Variants in STK4 observed in about 807,000 individuals in gnomAD.
STK4 encodes serine/threonine-protein kinase 4.
STK4 carries 30 observed loss-of-function variants against 64.9 expected under a neutral mutation model. That is an observed-to-expected ratio of 0.46 (90% CI 0.35 to 0.63). STK4 has a LOEUF of 0.63. Among genes scored for constraint, STK4 ranks in the 20% least tolerant of loss-of-function variants. The pLI, the probability that STK4 is intolerant of heterozygous loss-of-function variation, is 0.01. For synonymous variants in STK4, 177 were observed against 199.0 expected (o/e 0.89, Z 0.93); for missense variants, 466 against 598.5 (o/e 0.78, Z 2.31).
At chr20:45,073,654 A>G (rs1034189665) in intron 10 of STK4, among the ~76,000 whole-genome samples, 3 of 152,188 alleles carry the variant, frequency 2.0e-5, no homozygotes, top group Non-Finnish European at 4.4e-5. Flanking sequence ...ATAAAGTATC[A>G]CCACCCACTG....
intron 10 of STK4, among the ~76,000 whole-genome samples, chr20:45,072,194 C>T (rs1052306176): frequency 6.6e-6 from 1 of 152,160 alleles, no homozygotes; most frequent in African/African-American, 2.4e-5. Context: ...ATAGGTCATA[C>T]ACTGAGAAAC....
At chr20:44,992,185 T>C (rs770944269) in intron 5 of STK4, among the ~76,000 whole-genome samples, 1 of 151,918 alleles carries the variant, frequency 6.6e-6, no homozygotes, top group South Asian at 2.1e-4. Flanking sequence ...TTTGATGTCA[T>C]GCTTAAAAAA....
At chr20:45,049,679 A>G (rs1285630459) in intron 10 of STK4, among the ~76,000 whole-genome samples, 2 of 152,224 alleles carry the variant, frequency 1.3e-5, no homozygotes, top group Non-Finnish European at 2.9e-5. Context: ...CTGTGAATTC[A>G]GCACTTCATA....
chr20:44,996,887 A>G (rs899528389), intron 6 of STK4, among the ~76,000 whole-genome samples: 1 of 151,882 alleles, frequency 6.6e-6, no homozygotes, highest in Non-Finnish European at 1.5e-5. Flanking sequence ...TTGAAAGGCA[A>G]TGTACTGTGG....
At chr20:45,026,318 A>AGTGTGTGTGTGTGTGTGT (rs113148879) in intron 10 of STK4, among the ~76,000 whole-genome samples, 12 of 145,786 alleles carry the variant, frequency 8.2e-5, no homozygotes, top group African/African-American at 2.3e-4. Context: ...AGACAGAAAG[A>AGTGTGTGTGTGTGTGTGT]GTGTGTGTGT....
intron 9 of STK4, among the ~76,000 whole-genome samples, chr20:45,013,230 A>G (rs1188638088): frequency 6.6e-6 from 1 of 151,940 alleles, no homozygotes; most frequent in Admixed American, 6.6e-5. Context: ...TTTGCAGCAG[A>G]ATTTGGTCGA....
chr20:45,051,336 A>G (rs1308549084), intron 10 of STK4, among the ~76,000 whole-genome samples: 2 of 152,222 alleles, frequency 1.3e-5, no homozygotes, highest in Non-Finnish European at 2.9e-5. Flanking sequence ...ATCAAGTACA[A>G]TGCTTTTTAT....
chr20:45,020,058 G>C (rs1199231053), intron 9 of STK4, among the ~76,000 whole-genome samples: 3 of 152,204 alleles, frequency 2.0e-5, no homozygotes, highest in African/African-American at 7.2e-5. Context: ...TACAATATGA[G>C]ATGTAGATCA....
chr20:44,983,583 C>T (rs917547207), intron 4 of STK4, among the ~76,000 whole-genome samples: 4 of 152,128 alleles, frequency 2.6e-5, no homozygotes, highest in Non-Finnish European at 5.9e-5. Context: ...GATTGCGCCA[C>T]TGCACTGCAG....
At chr20:44,989,500 A>G (rs947450011) in intron 5 of STK4, among the ~76,000 whole-genome samples, 5 of 151,540 alleles carry the variant, frequency 3.3e-5, no homozygotes, top group African/African-American at 4.8e-5. Context: ...TATTTTAGAT[A>G]TAAGTCTCTT....
At chr20:45,054,245 A>C (rs1253236045) in intron 10 of STK4, among the ~76,000 whole-genome samples, 2 of 152,152 alleles carry the variant, frequency 1.3e-5, no homozygotes, top group African/African-American at 4.8e-5. Flanking sequence ...CAATAGTAGT[A>C]GATGTTGGGT....
chr20:45,042,067 A>G (rs1334199482), intron 10 of STK4, among the ~76,000 whole-genome samples: 7 of 152,244 alleles, frequency 4.6e-5, no homozygotes, highest in African/African-American at 1.7e-4. Context: ...AGAAGGTTTC[A>G]ATGGCTGAAA....
intron 10 of STK4, among the ~76,000 whole-genome samples, chr20:45,029,033 A>G (rs944599959): frequency 6.6e-6 from 1 of 152,218 alleles, no homozygotes; most frequent in African/African-American, 2.4e-5. Flanking sequence ...GGCAGCAACC[A>G]GCTCACAGAC....
intron 10 of STK4, among the ~76,000 whole-genome samples, chr20:45,074,581 T>C (rs1474324983): frequency 1.3e-5 from 2 of 151,916 alleles, no homozygotes; most frequent in Admixed American, 6.6e-5. Flanking sequence ...CATGGTGTCG[T>C]ATCCTGAAAG....
chr20:45,073,729 A>T (rs1465141412), intron 10 of STK4, among the ~76,000 whole-genome samples: 3 of 152,198 alleles, frequency 2.0e-5, no homozygotes, highest in Non-Finnish European at 4.4e-5. Flanking sequence ...GAATCACTGA[A>T]CACACATGGC....
intron 1 of STK4, 134 bp downstream of exon 1, chr20:44,966,737 G>C (rs1021587666): frequency 1.8e-5 from 19 of 1,054,802 alleles, no homozygotes; most frequent in South Asian, 9.1e-5. Context: ...CTGAGTGAGG[G>C]GGGGGACGTC....
intron 9 of STK4, among the ~76,000 whole-genome samples, chr20:45,016,350 C>G (rs1165620441): frequency 6.6e-6 from 1 of 152,116 alleles, no homozygotes; most frequent in Non-Finnish European, 1.5e-5. Flanking sequence ...TTTCCACCCC[C>G]GAAAGATAAC....
chr20:45,001,187 T>C lies in STK4; in HGVS notation c.981T>C (p.Ser327=). 6.2e-7 allele frequency: 1 copy of C among 1,612,874 alleles called. No homozygotes were observed. The highest frequency in any genetic ancestry group is 8.5e-7 in the Non-Finnish European group (1 of 1,179,008). The change falls in exon 9 of 11, where the codon TCT becomes TCC. Residue 327 remains serine (S), a synonymous_variant. Coordinates refer to ENST00000372806, the MANE Select transcript of STK4 (RefSeq NM_006282.5). ...EENSEEDEMD[S]GTMVRAVGDE... Reference sequence around the variant, plus strand: ...TACAGGAAGAGGATGAAATGGATTCTGGCACGATGGTTCGAGCAGTGGGTG... The same window carrying C: ...TACAGGAAGAGGATGAAATGGATTCCGGCACGATGGTTCGAGCAGTGGGTG...
At chr20:45,074,992 G>A in intron 10 of STK4, 26 bp from the exon 11 acceptor site, 1 of 1,613,800 alleles carries the variant, frequency 6.2e-7, no homozygotes, top group Non-Finnish European at 8.5e-7. Context: ...GCTTTGTCGT[G>A]ACTATACCTT....
Sources: gnomAD v4.1 joint callset for allele counts (sites outside exome capture counted in the v4.1 genomes callset) on GRCh38, gnomAD v4.1.1 for gene constraint, MANE v1.5 for transcripts, NCBI Gene and HGNC (gene_info 2026-07-23, HGNC 2026-07-21) for gene names.